Variants in CAMKMT observed in about 807,000 individuals in gnomAD.
CAMKMT encodes CaM KMT.
CAMKMT carries 53 observed loss-of-function variants against 48.0 expected under a neutral mutation model. The observed-to-expected ratio is 1.10, with a 90% CI of 0.89 to 1.39. The LOEUF is 1.39. CAMKMT is among the 40% of genes most tolerant of loss of function. The pLI is 0.00. For missense variants in CAMKMT, 428 were observed against 402.7 expected (o/e 1.06, Z -0.54); for synonymous variants, 165 against 152.3 (o/e 1.08, Z -0.61).
chr2:44,652,083 A>C (rs955090677), intron 3 of CAMKMT, among the ~76,000 whole-genome samples: 8 of 152,190 alleles, frequency 5.3e-5, no homozygotes, highest in Non-Finnish European at 8.8e-5. Flanking sequence ...CATTCACTGT[A>C]GTTTTGTTTT....
chr2:44,762,036 CCAAGAATTAGATGGAACGT>C (rs1298099540), intron 9 of CAMKMT, among the ~76,000 whole-genome samples: 2 of 152,046 alleles, frequency 1.3e-5, no homozygotes, highest in Admixed American at 1.3e-4. Flanking sequence ...AGTACAATTG[CCAAGAATTAGATGGAACGT>C]GATGAAAAAG....
intron 3 of CAMKMT, among the ~76,000 whole-genome samples, chr2:44,645,319 C>T (rs1030352628): frequency 6.6e-6 from 1 of 152,180 alleles, no homozygotes. Flanking sequence ...TTCATCTTTT[C>T]TCAGAATGCC....
intron 3 of CAMKMT, among the ~76,000 whole-genome samples, chr2:44,567,637 G>C (rs13383854): frequency 0.45 from 67,787 of 152,044 alleles, 17,446 homozygotes; most frequent in Non-Finnish European, 0.58. Flanking sequence ...ACTGCTATTA[G>C]ACAGAGACAG....
chr2:44,745,048 C>G (rs1199559262), intron 8 of CAMKMT, among the ~76,000 whole-genome samples: 1 of 152,050 alleles, frequency 6.6e-6, no homozygotes, highest in Non-Finnish European at 1.5e-5. Context: ...CTTTCCTCAC[C>G]AAATATGAGA....
chr2:44,716,960 C>T (rs1678206435), intron 7 of CAMKMT, among the ~76,000 whole-genome samples: 1 of 152,118 alleles, frequency 6.6e-6, no homozygotes, highest in South Asian at 2.1e-4. Flanking sequence ...CATATCTAGA[C>T]ATCTAAAATG....
Position 44,705,440 on chromosome 2 carries a change from C to T in CAMKMT, c.438-847C>T, listed in dbSNP as rs577298901. 5.2e-5 allele frequency: 51 copies of T among 985,364 alleles called. No homozygotes were observed. The South Asian group carries it at 1.7e-3, about 33-fold the overall frequency. The allele number at this position is 985,364 out of a possible 1,614,324, so 61.0% of individuals were successfully genotyped here. ...CTGGAAGTCTGGCATTTGTTCATCT[C>T]GCTGTGCTTAAGCTTGACTGGAGCT... On this transcript the variant is annotated intron_variant, in intron 4 of 10. Coordinates refer to ENST00000378494, the MANE Select transcript of CAMKMT (RefSeq NM_024766.5).
chr2:44,506,761 C>T (rs183517605), intron 3 of CAMKMT, among the ~76,000 whole-genome samples: 3 of 152,274 alleles, frequency 2.0e-5, no homozygotes, highest in African/African-American at 7.2e-5. Flanking sequence ...GTGTGCTTTA[C>T]TGACTAATTT....
chr2:44,655,076 T>C (rs1432419626), intron 3 of CAMKMT, among the ~76,000 whole-genome samples: 1 of 152,192 alleles, frequency 6.6e-6, no homozygotes, highest in Non-Finnish European at 1.5e-5. Flanking sequence ...TTCTGAAGAG[T>C]ACAATTGCTG....
chr2:44,505,769 G>C (rs1284850572), intron 3 of CAMKMT, among the ~76,000 whole-genome samples: 1 of 152,178 alleles, frequency 6.6e-6, no homozygotes, highest in Non-Finnish European at 1.5e-5. Context: ...TGTTGTCCAA[G>C]AGTCAACTGT....
chr2:44,690,386 G>A (rs1676577712), intron 3 of CAMKMT, among the ~76,000 whole-genome samples: 1 of 152,152 alleles, frequency 6.6e-6, no homozygotes, highest in Non-Finnish European at 1.5e-5. Context: ...TATTGACAGA[G>A]CTATGAGAAC....
chr2:44,373,792 G>C (rs1679407368), intron 2 of CAMKMT, among the ~76,000 whole-genome samples: 1 of 152,066 alleles, frequency 6.6e-6, no homozygotes, highest in African/African-American at 2.4e-5. Context: ...GGTTGGGCAG[G>C]AAAGAACAAT....
intron 3 of CAMKMT, among the ~76,000 whole-genome samples, chr2:44,394,629 T>C (rs1681656254): frequency 1.3e-5 from 2 of 152,120 alleles, no homozygotes; most frequent in Admixed American, 6.5e-5. Context: ...AGTTTCACCA[T>C]GTTGGCCAGG....
intron 3 of CAMKMT, among the ~76,000 whole-genome samples, chr2:44,693,980 A>G (rs1676797593): frequency 6.6e-6 from 1 of 152,184 alleles, no homozygotes; most frequent in African/African-American, 2.4e-5. Context: ...ACATCAGCTG[A>G]TCACAGAAAA....
chr2:44,509,081 C>T (rs939027392), intron 3 of CAMKMT, among the ~76,000 whole-genome samples: 3 of 137,068 alleles, frequency 2.2e-5, no homozygotes, highest in African/African-American at 8.3e-5. Flanking sequence ...GGATGACAGA[C>T]CCAGACCCCA....
chr2:44,663,697 A>G (rs1054893991), intron 3 of CAMKMT, among the ~76,000 whole-genome samples: 1 of 152,038 alleles, frequency 6.6e-6, no homozygotes, highest in African/African-American at 2.4e-5. Flanking sequence ...TGCCTATAAC[A>G]TTTTATTGTT....
chr2:44,481,827 A>G (rs1323554912), intron 3 of CAMKMT, among the ~76,000 whole-genome samples: 1 of 152,046 alleles, frequency 6.6e-6, no homozygotes, highest in Non-Finnish European at 1.5e-5. Context: ...AAGCTAAAAT[A>G]TATTTTTAGG....
intron 3 of CAMKMT, among the ~76,000 whole-genome samples, chr2:44,432,662 A>G (rs1205777271): frequency 1.3e-5 from 2 of 152,156 alleles, no homozygotes; most frequent in African/African-American, 4.8e-5. Flanking sequence ...ACTTTGTTTG[A>G]TACTTCAGAT....
chr2:44,393,720 C>G (rs1016413275), intron 3 of CAMKMT, among the ~76,000 whole-genome samples: 1 of 152,140 alleles, frequency 6.6e-6, no homozygotes, highest in African/African-American at 2.4e-5. Context: ...GCTTCTGTGT[C>G]TCCTTTGATA....
chr2:44,557,238 G>C (rs1468994575), intron 3 of CAMKMT, among the ~76,000 whole-genome samples: 1 of 151,890 alleles, frequency 6.6e-6, no homozygotes, highest in Non-Finnish European at 1.5e-5. Flanking sequence ...ATCTCTGTGG[G>C]AGGATGGAGC....
Sources: allele counts gnomAD v4.1 joint callset (sites outside exome capture counted in the v4.1 genomes callset), GRCh38; gene constraint gnomAD v4.1.1; transcripts MANE v1.5; gene names NCBI Gene and HGNC (gene_info 2026-07-23, HGNC 2026-07-21).